The following MAGI3 variants were observed in gnomAD, a reference collection of about 807,000 sequenced individuals.
MAGI3 encodes membrane-associated guanylate kinase, WW and PDZ domain-containing protein 3.
MAGI3 carries 43 observed loss-of-function variants against 121.8 expected under a neutral mutation model. The observed-to-expected ratio is 0.35, with a 90% CI of 0.28 to 0.46. The LOEUF (loss-of-function observed/expected upper bound fraction) is 0.46. Ranked by LOEUF, MAGI3 falls within the 20% of genes least tolerant of loss-of-function variation. MAGI3 has a pLI of 1.00. For missense variants in MAGI3, 1,547 were observed against 1,797.3 expected (o/e 0.86, Z 2.52); for synonymous variants, 553 against 639.3 (o/e 0.86, Z 2.04).
chr1:113,608,445 G>A (rs939572989), intron 6 of MAGI3, among the ~76,000 whole-genome samples: 5 of 152,178 alleles, frequency 3.3e-5, no homozygotes, highest in African/African-American at 1.2e-4. Context: ...CAGAATGTCA[G>A]CAAATGAATG....
intron 1 of MAGI3, among the ~76,000 whole-genome samples, chr1:113,467,157 T>G (rs1414648618): frequency 1.3e-5 from 2 of 152,166 alleles, no homozygotes; most frequent in African/African-American, 4.8e-5. Flanking sequence ...TTTATTTATT[T>G]CAAGAAATTT....
At chr1:113,651,314 A>G in intron 14 of MAGI3, 108 bp downstream of exon 14, 1 of 1,064,458 alleles carries the variant, frequency 9.4e-7, no homozygotes, top group Non-Finnish European at 1.3e-6. Flanking sequence ...AGTATCTAAG[A>G]TAACCCATTT....
Position 113,622,941 on chromosome 1 carries a change from T to C in MAGI3, c.1307T>C (p.Val436Ala). Reference sequence around the variant, plus strand: ...GATAGACCTGATGAGTTCCTACAAGTGAAAAATGTGCTGAAAGATGGTCCC... The same window carrying C: ...GATAGACCTGATGAGTTCCTACAAGCGAAAAATGTGCTGAAAGATGGTCCC... The part of the protein sequence containing the change: ...GGDRPDEFLQ[V>A]KNVLKDGPAA... Residue 436 changes from valine to alanine, a missense_variant, in exon 9 of 21, where the codon GTG becomes GCG. By Grantham distance (64) the Val-to-Ala change is moderately conservative. Transcript: ENST00000307546. 1 of 1,573,000 alleles carries C rather than the reference T, an allele frequency of 6.4e-7. No individual in the cohort carries two copies. The highest frequency in any genetic ancestry group is 8.6e-7 in the Non-Finnish European group (1 of 1,166,654).
chr1:113,673,404 TG>T lies in MAGI3; in HGVS notation c.3132del (p.Leu1045CysfsTer55). 1 of 1,613,002 alleles carries T rather than the reference TG, an allele frequency of 6.2e-7. No homozygotes were observed. The highest frequency in any genetic ancestry group is 8.5e-7 in the Non-Finnish European group (1 of 1,179,894). ...FSLRGGKEYN[M>X]GLFILRLAED... Reference sequence around the variant, plus strand: ...CTCCGAGGGGGGAAGGAGTACAACATGGGGCTGTTCATCCTTCGTCTTGCTG... The same window carrying T: ...CTCCGAGGGGGGAAGGAGTACAACATGGGCTGTTCATCCTTCGTCTTGCTG... On this transcript the variant is annotated frameshift_variant, in exon 19 of 21. Transcript: ENST00000307546. LOFTEE classifies it high-confidence loss of function.
intron 1 of MAGI3, among the ~76,000 whole-genome samples, chr1:113,399,583 A>G (rs952045925): frequency 6.6e-6 from 1 of 152,186 alleles, no homozygotes; most frequent in Non-Finnish European, 1.5e-5. Context: ...CTTTTACTCA[A>G]ATATTTAAAT....
chr1:113,542,283 G>A (rs926263524), intron 1 of MAGI3, among the ~76,000 whole-genome samples: 1 of 152,184 alleles, frequency 6.6e-6, no homozygotes, highest in Non-Finnish European at 1.5e-5. Flanking sequence ...TGGATATAGA[G>A]ATGATACAGC....
chr1:113,480,538 A>G (rs1486704960), intron 1 of MAGI3, among the ~76,000 whole-genome samples: 2 of 152,168 alleles, frequency 1.3e-5, no homozygotes, highest in Admixed American at 1.3e-4. Flanking sequence ...GGCTATAGAC[A>G]TTGACCTGGT....
intron 9 of MAGI3, among the ~76,000 whole-genome samples, chr1:113,638,128 C>A (rs1199278748): frequency 2.0e-5 from 3 of 152,146 alleles, no homozygotes; most frequent in Non-Finnish European, 4.4e-5. Context: ...GTTATACATT[C>A]GTCTAAATTT....
chr1:113,542,160 C>T (rs971931334), intron 1 of MAGI3, among the ~76,000 whole-genome samples: 13 of 152,060 alleles, frequency 8.5e-5, no homozygotes, highest in African/African-American at 2.7e-4. Flanking sequence ...CAGTGGATGC[C>T]GGAAACCATG....
chr1:113,478,245 C>T (rs1300817004), intron 1 of MAGI3, among the ~76,000 whole-genome samples: 1 of 152,172 alleles, frequency 6.6e-6, no homozygotes, highest in African/African-American at 2.4e-5. Context: ...TTGTCAAAAT[C>T]ATTCCCTGTC....
intron 1 of MAGI3, among the ~76,000 whole-genome samples, chr1:113,506,404 A>G (rs1217478794): frequency 6.6e-6 from 1 of 150,736 alleles, no homozygotes; most frequent in Non-Finnish European, 1.5e-5. Context: ...ACCCCTCCAA[A>G]CCTCATATCC....
intron 6 of MAGI3, among the ~76,000 whole-genome samples, chr1:113,603,569 C>T (rs1372475329): frequency 6.6e-6 from 1 of 152,006 alleles, no homozygotes; most frequent in Non-Finnish European, 1.5e-5. Flanking sequence ...AACTATAGAC[C>T]AGTATCCCTG....
chr1:113,678,112 T>G (rs138658652), intron 19 of MAGI3, among the ~76,000 whole-genome samples: 342 of 139,496 alleles, frequency 2.5e-3, no homozygotes, highest in African/African-American at 8.1e-3. Flanking sequence ...AAGTTTTTGT[T>G]GTTTTTTTTT....
At chr1:113,458,054 TAAG>T (rs1268943726) in intron 1 of MAGI3, among the ~76,000 whole-genome samples, 1 of 152,214 alleles carries the variant, frequency 6.6e-6, no homozygotes, top group Admixed American at 6.5e-5. Flanking sequence ...TTGTGGGCCA[TAAG>T]AAGGAGTTTG....
At chr1:113,659,311 A>G in intron 16 of MAGI3, 46 bp downstream of exon 16, 1 of 1,592,292 alleles carries the variant, frequency 6.3e-7, no homozygotes, top group Non-Finnish European at 8.5e-7. Flanking sequence ...TCTGAGAGGC[A>G]CAAAGCCTGT....
chr1:113,622,234 C>G (rs1215375413), intron 8 of MAGI3, among the ~76,000 whole-genome samples: 5 of 152,090 alleles, frequency 3.3e-5, no homozygotes, highest in African/African-American at 1.2e-4. Flanking sequence ...TTCCTAATGG[C>G]AGGCATGGTT....
intron 1 of MAGI3, among the ~76,000 whole-genome samples, chr1:113,513,077 A>G (rs2101614470): frequency 1.3e-5 from 2 of 152,310 alleles, no homozygotes; most frequent in African/African-American, 4.8e-5. Flanking sequence ...AAGGGACATG[A>G]AGGACCTCTT....
At chr1:113,546,194 TTAGAG>T (rs1202189684) in intron 1 of MAGI3, among the ~76,000 whole-genome samples, 2 of 152,344 alleles carry the variant, frequency 1.3e-5, no homozygotes, top group East Asian at 3.9e-4. Context: ...ATTGTTACTT[TTAGAG>T]AATGCAAGTC....
At chr1:113,493,350 A>G (rs1259587090) in intron 1 of MAGI3, among the ~76,000 whole-genome samples, 1 of 152,214 alleles carries the variant, frequency 6.6e-6, no homozygotes, top group South Asian at 2.1e-4. Context: ...CGGAAAATTG[A>G]AACTGGATGC....
Sources: allele counts gnomAD v4.1 joint callset (sites outside exome capture counted in the v4.1 genomes callset), GRCh38; gene constraint gnomAD v4.1.1; transcripts MANE v1.5; gene names NCBI Gene and HGNC (gene_info 2026-07-23, HGNC 2026-07-21).